PRKAG2: variants seen among roughly 807,000 people sequenced by gnomAD.
PRKAG2 encodes the protein protein kinase AMP-activated non-catalytic subunit gamma 2, also known as 5'-AMP-activated protein kinase subunit gamma-2.
A neutral mutation model predicts 69.6 loss-of-function variants in PRKAG2; 26 were observed. That is an observed-to-expected ratio of 0.37 (90% CI 0.27 to 0.52). The LOEUF is 0.52. Among genes scored for constraint, PRKAG2 ranks in the 20% least tolerant of loss-of-function variants. The pLI, the probability that PRKAG2 is intolerant of heterozygous loss-of-function variation, is 0.90. For missense variants in PRKAG2, 557 were observed against 740.0 expected (o/e 0.75, Z 2.87); for synonymous variants, 293 against 285.0 (o/e 1.03, Z -0.28).
chr7:151,800,832 A>G (rs1237007756), intron 1 of PRKAG2, among the ~76,000 whole-genome samples: 1 of 152,174 alleles, frequency 6.6e-6, no homozygotes, highest in Non-Finnish European at 1.5e-5. Context: ...AATGTCAGCT[A>G]TGGACTTCGG....
In PRKAG2 at chr7:151,560,108, A is replaced by G. The variant is rs184999752; in HGVS notation, c.1678+416T>C. The G allele has an allele frequency of 1.4e-5, 14 of 984,796 alleles. No homozygotes were observed. In the East Asian group the frequency reaches 1.5e-3, roughly 104 times the overall value. 61.0% of individuals were successfully genotyped at this position (984,796 alleles called of 1,614,324 possible). On this transcript the variant is annotated intron_variant, in intron 15 of 15. Coordinates refer to ENST00000287878, the MANE Select transcript of PRKAG2 (RefSeq NM_016203.4). ...AGTTTGTGTTTAGGTATTCTGTTTT[A>G]TCTACTCAAAATATAAGTTTTTTTT...
rs141947073 is a variant in PRKAG2 at position 151,690,690 on chromosome 7, G to A, written c.467-15053C>T. Among the ~76,000 whole-genome samples the A allele has an allele frequency of 3.5e-3, 531 of 152,268 alleles. 4 individuals are homozygous for A. Among genetic ancestry groups the A allele is most frequent in the Non-Finnish European group, 4.4e-3 (299 of 68,030 alleles). On this transcript the variant is annotated intron_variant, in intron 3 of 15. Coordinates refer to ENST00000287878, the MANE Select transcript of PRKAG2 (RefSeq NM_016203.4). ...TCTGAATACGGTGCTTAGGGGAGCC[G>A]GGTTTTTTCCACTTCTGATTCACTC...
chr7:151,683,387 C>T (rs1834177559), intron 3 of PRKAG2, among the ~76,000 whole-genome samples: 1 of 152,212 alleles, frequency 6.6e-6, no homozygotes, highest in Admixed American at 6.5e-5. Context: ...GCCATGGGCT[C>T]TGGGACAAAT....
chr7:151,815,572 C>A (rs1563723850), intron 1 of PRKAG2, among the ~76,000 whole-genome samples: 1 of 152,180 alleles, frequency 6.6e-6, no homozygotes, highest in Non-Finnish European at 1.5e-5. Context: ...GCATCTCCCC[C>A]TTGCTCCCTC....
intron 3 of PRKAG2, among the ~76,000 whole-genome samples, chr7:151,703,698 T>C (rs1039861120): frequency 3.3e-5 from 5 of 152,058 alleles, no homozygotes; most frequent in Admixed American, 3.3e-4. Flanking sequence ...ATCATCATTC[T>C]TTTTCTATTT....
At chr7:151,874,673 C>G (rs1029316046) in intron 1 of PRKAG2, among the ~76,000 whole-genome samples, 2 of 152,090 alleles carry the variant, frequency 1.3e-5, no homozygotes, top group Non-Finnish European at 2.9e-5. Context: ...TCACTCGAGC[C>G]CAGCTCATGT....
chr7:151,641,996 C>A (rs1249420525), intron 4 of PRKAG2, among the ~76,000 whole-genome samples: 11 of 144,212 alleles, frequency 7.6e-5, no homozygotes, highest in Non-Finnish European at 1.4e-4. Flanking sequence ...GAGTTTGAGA[C>A]CAGCCTGGGC....
At chr7:151,586,963 C>T (rs756386659) in intron 6 of PRKAG2, among the ~76,000 whole-genome samples, 3 of 152,094 alleles carry the variant, frequency 2.0e-5, no homozygotes. Flanking sequence ...GAGTTCGAGA[C>T]CAGACTGGCC....
intron 1 of PRKAG2, among the ~76,000 whole-genome samples, chr7:151,874,100 GTA>G (rs1302403407): frequency 1.4e-5 from 2 of 143,128 alleles, no homozygotes; most frequent in African/African-American, 2.6e-5. Flanking sequence ...TGATGTATAT[GTA>G]TATGATGTAT....
intron 1 of PRKAG2, chr7:151,837,154 C>CCTGCCA (rs1192240769): frequency 1.3e-5 from 2 of 152,324 alleles, no homozygotes; most frequent in Non-Finnish European, 2.9e-5. Flanking sequence ...AGTGTGACCT[C>CCTGCCA]CTGCCACTGC....
intron 1 of PRKAG2, among the ~76,000 whole-genome samples, chr7:151,842,598 G>A (rs1211691962): frequency 1.4e-5 from 2 of 146,414 alleles, no homozygotes; most frequent in Non-Finnish European, 3.0e-5. Context: ...GGTAGGTAGG[G>A]ATGGTAGTGA....
chr7:151,748,995 G>A (rs1350908040), intron 3 of PRKAG2, among the ~76,000 whole-genome samples: 1 of 152,234 alleles, frequency 6.6e-6, no homozygotes, highest in African/African-American at 2.4e-5. Flanking sequence ...GGGCTGGCCT[G>A]GGTGTTTTGG....
chr7:151,573,220 C>T (rs1366075543), intron 8 of PRKAG2, among the ~76,000 whole-genome samples: 4 of 149,870 alleles, frequency 2.7e-5, no homozygotes, highest in South Asian at 2.1e-4. Context: ...TGCACAAGTG[C>T]GATCATGACT....
intron 6 of PRKAG2, among the ~76,000 whole-genome samples, chr7:151,585,896 G>A (rs537733492): frequency 2.6e-4 from 40 of 152,314 alleles, no homozygotes; most frequent in African/African-American, 8.9e-4. Context: ...GTGAGTCAGC[G>A]CAGGACGCGT....
intron 1 of PRKAG2, among the ~76,000 whole-genome samples, chr7:151,797,463 A>G (rs1036111105): frequency 2.0e-5 from 3 of 152,198 alleles, no homozygotes; most frequent in African/African-American, 4.8e-5. Context: ...CAGAGACCTC[A>G]TTTCTGCTCC....
At chr7:151,576,332 G>A (rs1338979408) in intron 7 of PRKAG2, 39 bp downstream of exon 7, 1 of 1,495,030 alleles carries the variant, frequency 6.7e-7, no homozygotes, top group Non-Finnish European at 9.3e-7. Flanking sequence ...TGCTTTCAAG[G>A]TTTCCATTTT....
At chr7:151,812,025 A>G (rs376596117) in intron 1 of PRKAG2, among the ~76,000 whole-genome samples, 1 of 152,292 alleles carries the variant, frequency 6.6e-6, no homozygotes, top group East Asian at 1.9e-4. Flanking sequence ...AATAATTAAC[A>G]TTCATGAAAC....
At chr7:151,629,031 G>A (rs1014947155) in intron 5 of PRKAG2, among the ~76,000 whole-genome samples, 2 of 152,202 alleles carry the variant, frequency 1.3e-5, no homozygotes, top group Admixed American at 6.5e-5. Flanking sequence ...CAGTGAGGGA[G>A]ACACAGAGCA....
At chr7:151,574,849 C>G in intron 8 of PRKAG2, 42 bp downstream of exon 8, 1 of 1,613,146 alleles carries the variant, frequency 6.2e-7, no homozygotes, top group Non-Finnish European at 8.5e-7. Flanking sequence ...TACATAGATA[C>G]GTACAGCTCC....
Sources: allele counts gnomAD v4.1 joint callset (sites outside exome capture counted in the v4.1 genomes callset), GRCh38; gene constraint gnomAD v4.1.1; transcripts MANE v1.5; gene names NCBI Gene and HGNC (gene_info 2026-07-23, HGNC 2026-07-21).